The following ZNF503 variants were observed in gnomAD, a reference collection of about 807,000 sequenced individuals.
ZNF503 encodes the protein NocA-like zinc finger 2.
ZNF503 carries 15 observed loss-of-function variants against 34.4 expected under a neutral mutation model. The ratio of observed to expected loss-of-function variants is 0.44; its 90% confidence interval spans 0.29 to 0.67. The LOEUF is 0.67. ZNF503 is among the 30% of genes least tolerant of loss of function. The probability of loss-of-function intolerance (pLI) is 0.13; values close to 1 mark genes in which losing one functional copy is unlikely to be tolerated. For missense variants in ZNF503, 1,007 were observed against 926.8 expected (o/e 1.09, Z -1.12); for synonymous variants, 580 against 456.8 (o/e 1.27, Z -3.44).
At chr10:75,283,564 G>GA in the ZNF503 span, among the ~76,000 whole-genome samples, 1 of 152,088 alleles carries the variant, frequency 6.6e-6, no homozygotes, top group Non-Finnish European at 1.5e-5. Flanking sequence ...TGTATGTTTC[G>GA]AGGGGGGAGA....
At chr10:75,381,784 C>G in the ZNF503 span, among the ~76,000 whole-genome samples, 1 of 124,322 alleles carries the variant, frequency 8.0e-6, no homozygotes, top group East Asian at 2.5e-4. Context: ...CATTTTCTGT[C>G]ACTTGCCACA....
rs766045240 is a variant in ZNF503, at chr10:75,399,039, G to C, written c.1651C>G (p.Leu551Val). Residue 551 changes from leucine to valine, a missense_variant, in exon 2 of 2, where the codon CTG becomes GTG. Leu to Val is a conservative substitution (Grantham distance 32). Coordinates refer to ENST00000372524, the MANE Select transcript of ZNF503 (RefSeq NM_032772.6). ...GACGAGCTGGGGTAGCCCGACAGCAGTTTGTCTGTCCCGGGAAATGCCGTA... is the reference window on the plus strand; with the variant it reads ...GACGAGCTGGGGTAGCCCGACAGCACTTTGTCTGTCCCGGGAAATGCCGTA... ...THTAFPGTDK[L>V]LSGYPSSSSL... 11 of 1,612,440 alleles carry C rather than the reference G, an allele frequency of 6.8e-6. No individual in the cohort carries two copies. In the South Asian group the frequency reaches 1.1e-4, roughly 16 times the overall value.
At chr10:75,315,117 T>C in the ZNF503 span, among the ~76,000 whole-genome samples, 1 of 152,310 alleles carries the variant, frequency 6.6e-6, no homozygotes, top group East Asian at 1.9e-4. Flanking sequence ...CCCAGCACTT[T>C]GAGAAGTCAA....
At chr10:75,354,528 T>C in the ZNF503 span, among the ~76,000 whole-genome samples, 1 of 151,786 alleles carries the variant, frequency 6.6e-6, no homozygotes, top group East Asian at 1.9e-4. Context: ...GCCCGCACAG[T>C]ATAGTAGGAT....
chr10:75,284,544 T>A, the ZNF503 span, among the ~76,000 whole-genome samples: 1 of 152,298 alleles, frequency 6.6e-6, no homozygotes, highest in Non-Finnish European at 1.5e-5. Context: ...CTATCATCAT[T>A]CCTGGGCCTG....
chr10:75,360,010 T>A, the ZNF503 span, among the ~76,000 whole-genome samples: 1 of 151,868 alleles, frequency 6.6e-6, no homozygotes, highest in African/African-American at 2.4e-5. Flanking sequence ...AGACTCTCTG[T>A]CTCCCTTCAG....
At chr10:75,310,278 C>G in the ZNF503 span, among the ~76,000 whole-genome samples, 1 of 152,180 alleles carries the variant, frequency 6.6e-6, no homozygotes, top group Non-Finnish European at 1.5e-5. Flanking sequence ...ACTCAAGGGA[C>G]GTTTGGGACC....
chr10:75,401,293 G>A lies in ZNF503; in HGVS notation c.127C>T (p.Pro43Ser), dbSNP rs775054967. ...CCGGCCGGGGACGAGCCTGGGCCGGGGCCGGAGCTATTTCCAGAGAGCGCG... is the reference window on the plus strand; with the variant it reads ...CCGGCCGGGGACGAGCCTGGGCCGGAGCCGGAGCTATTTCCAGAGAGCGCG... ...TSALSGNSSGPGPGSSPAGST... is the reference protein window; with the variant it reads ...TSALSGNSSGSGPGSSPAGST... Residue 43 changes from proline (P) to serine (S), a missense_variant, in exon 1 of 2, where the codon CCC becomes TCC. Pro to Ser is a moderately conservative substitution (Grantham distance 74, BLOSUM62 -1). Transcript: ENST00000372524. The A allele has an allele frequency of 1.9e-6, 3 of 1,567,020 alleles. No homozygotes were observed. In the African/African-American group the frequency reaches 4.1e-5, roughly 21 times the overall value.
the ZNF503 span, among the ~76,000 whole-genome samples, chr10:75,340,209 G>A: frequency 6.6e-6 from 1 of 151,204 alleles, no homozygotes; most frequent in African/African-American, 2.4e-5. Context: ...TCACACCACT[G>A]CACTCCAGCC....
chr10:75,294,557 G>T, the ZNF503 span, among the ~76,000 whole-genome samples: 1 of 152,190 alleles, frequency 6.6e-6, no homozygotes, highest in African/African-American at 2.4e-5. Context: ...ACTCTGGGGT[G>T]GCATCTCTTC....
chr10:75,382,506 C>T, the ZNF503 span: 7 of 728,124 alleles, frequency 9.6e-6, no homozygotes, highest in African/African-American at 1.9e-5. Context: ...GCAACCTCTT[C>T]TTTTTCCTTA....
At chr10:75,303,032 G>C in the ZNF503 span, among the ~76,000 whole-genome samples, 1 of 152,162 alleles carries the variant, frequency 6.6e-6, no homozygotes, top group Non-Finnish European at 1.5e-5. Flanking sequence ...TCTGGGGAGA[G>C]GTTTTGTAGA....
the ZNF503 span, among the ~76,000 whole-genome samples, chr10:75,343,522 C>T: frequency 3.3e-5 from 5 of 152,208 alleles, no homozygotes; most frequent in Non-Finnish European, 4.4e-5. Flanking sequence ...CCCCTCTGGG[C>T]CTGTCTCTAC....
chr10:75,290,645 C>T, the ZNF503 span, among the ~76,000 whole-genome samples: 10 of 152,332 alleles, frequency 6.6e-5, no homozygotes, highest in Middle Eastern at 3.4e-3. Flanking sequence ...ATGAGAGATA[C>T]TGCTGCAGCC....
chr10:75,353,853 A>C, the ZNF503 span, among the ~76,000 whole-genome samples: 1 of 152,162 alleles, frequency 6.6e-6, no homozygotes, highest in Non-Finnish European at 1.5e-5. Flanking sequence ...GCTTGTCCTC[A>C]GTGGAGAATA....
At chr10:75,376,905 A>G in the ZNF503 span, among the ~76,000 whole-genome samples, 1 of 152,144 alleles carries the variant, frequency 6.6e-6, no homozygotes. Flanking sequence ...CCCATGATTC[A>G]ATTATCTCCA....
chr10:75,371,726 T>G, the ZNF503 span, among the ~76,000 whole-genome samples: 1 of 152,126 alleles, frequency 6.6e-6, no homozygotes, highest in Non-Finnish European at 1.5e-5. Context: ...GATACTCCAA[T>G]CTATGATGGG....
chr10:75,309,415 CTTATT>C, the ZNF503 span, among the ~76,000 whole-genome samples: 4 of 152,124 alleles, frequency 2.6e-5, no homozygotes, highest in Admixed American at 6.6e-5. Flanking sequence ...TCATTATTAT[CTTATT>C]TTAAGAAATT....
chr10:75,302,416 T>C, the ZNF503 span, among the ~76,000 whole-genome samples: 1 of 152,126 alleles, frequency 6.6e-6, no homozygotes, highest in South Asian at 2.1e-4. Flanking sequence ...TGGGAAGATT[T>C]TGGCCATTTT....
Sources: gnomAD v4.1 joint callset for allele counts (sites outside exome capture counted in the v4.1 genomes callset) on GRCh38, gnomAD v4.1.1 for gene constraint, MANE v1.5 for transcripts, NCBI Gene and HGNC (gene_info 2026-07-23, HGNC 2026-07-21) for gene names.